Variants in INPP5A observed in about 807,000 individuals in gnomAD.
INPP5A encodes the protein 43 kDa inositol polyphosphate 5-phophatase.
In INPP5A, 14 loss-of-function variants were observed where a neutral mutation model predicts 65.2. The ratio of observed to expected loss-of-function variants is 0.21; its 90% CI spans 0.14 to 0.34. The LOEUF (loss-of-function observed/expected upper bound fraction) is 0.34. INPP5A is among the 10% of genes least tolerant of loss of function. The pLI is 1.00. For synonymous variants in INPP5A, 207 were observed against 208.3 expected (o/e 0.99, Z 0.05); for missense variants, 431 against 545.6 (o/e 0.79, Z 2.09).
chr10:132,652,601 C>T (rs1378642460), intron 4 of INPP5A, among the ~76,000 whole-genome samples: 8 of 152,234 alleles, frequency 5.3e-5, no homozygotes, highest in African/African-American at 1.9e-4. Flanking sequence ...CTGCGTGCTG[C>T]CCTGCCATGG....
chr10:132,563,725 G>A (rs1162443293), intron 1 of INPP5A, among the ~76,000 whole-genome samples: 1 of 152,198 alleles, frequency 6.6e-6, no homozygotes, highest in African/African-American at 2.4e-5. Context: ...AGAAAGGAAA[G>A]CACACCATAA....
intron 8 of INPP5A, among the ~76,000 whole-genome samples, chr10:132,719,301 G>A (rs1210914069): frequency 2.0e-5 from 3 of 149,750 alleles, no homozygotes. Flanking sequence ...ACTGGGTTCT[G>A]TCTGGGCGCC....
At chr10:132,605,677 G>T (rs1035544050) in intron 1 of INPP5A, among the ~76,000 whole-genome samples, 2 of 152,138 alleles carry the variant, frequency 1.3e-5, no homozygotes, top group Non-Finnish European at 2.9e-5. Context: ...GCCAGAAAGT[G>T]GCCCCTGGGC....
In INPP5A at chr10:132,545,469, G is replaced by A. The variant is rs1211965911; in HGVS notation, c.75+7298G>A. ...GCCTCCATCCGGGAATGGGGTCCAGGCGGAGGAGGGTGGGCATCTCTCCAC... is the reference window on the plus strand; with the variant it reads ...GCCTCCATCCGGGAATGGGGTCCAGACGGAGGAGGGTGGGCATCTCTCCAC... On this transcript the variant is annotated intron_variant, in intron 1 of 15. Transcript: ENST00000368594. The surrounding 1 kb of genome is among the most constrained non-coding windows in gnomAD (Gnocchi z 4.6). 1.3e-5 allele frequency among the ~76,000 whole-genome samples: 2 copies of A among 152,204 alleles called. No individual in the cohort carries two copies.
intron 11 of INPP5A, among the ~76,000 whole-genome samples, chr10:132,751,207 G>A (rs1179389576): frequency 1.3e-5 from 2 of 152,196 alleles, no homozygotes; most frequent in Non-Finnish European, 2.9e-5. Context: ...CGAGGCTCCC[G>A]TGACGCCCAC....
At position 132,550,561 on chromosome 10, in the gene INPP5A, AG is replaced by A. The variant is rs1337022772; in HGVS notation, c.75+12393del. On this transcript the variant is annotated intron_variant, in intron 1 of 15. Transcript: ENST00000368594. The surrounding 1 kb of genome is among the most constrained non-coding windows in gnomAD (Gnocchi z 4.2). ...CAGCTGTGTCCCTTGACGTGCTGAG[AG>A]GGCCTGGCTGTGAGCCGCATGGTAC... Among the ~76,000 whole-genome samples, 1 of 152,214 alleles carries A rather than the reference AG, an allele frequency of 6.6e-6. No homozygotes were observed. The highest frequency in any genetic ancestry group is 2.4e-5 in the African/African-American group (1 of 41,436).
intron 12 of INPP5A, among the ~76,000 whole-genome samples, chr10:132,770,102 A>G (rs1327144442): frequency 6.6e-6 from 1 of 152,204 alleles, no homozygotes; most frequent in Non-Finnish European, 1.5e-5. Context: ...CTCTGGAACC[A>G]GAGTCCCACC....
chr10:132,778,233 C>T (rs1050177396), intron 13 of INPP5A, among the ~76,000 whole-genome samples: 17 of 146,098 alleles, frequency 1.2e-4, no homozygotes, highest in Admixed American at 2.1e-4. Flanking sequence ...AATAAATAGG[C>T]GACATTTTCA....
At position 132,703,505 on chromosome 10, in the gene INPP5A, CCACA is replaced by C. The variant is rs111386654; in HGVS notation, c.475-4792_475-4789del. 7.8e-4 allele frequency among the ~76,000 whole-genome samples: 109 copies of C among 139,672 alleles called. 1 individual carries two copies. The highest frequency in any genetic ancestry group is 1.2e-3 in the South Asian group (5 of 4,252). 91.6% of individuals were successfully genotyped at this position (139,672 alleles called of 152,430 possible). On this transcript the variant is annotated intron_variant, in intron 6 of 15. Transcript: ENST00000368594. Reference sequence around the variant, plus strand: ...TTCACCCCCCACACAGTGTCTTCACCCACACACACACACACACACTCACATTTAC... The same window carrying C: ...TTCACCCCCCACACAGTGTCTTCACCCACACACACACACACTCACATTTAC...
At chr10:132,702,207 T>A (rs1845448904) in intron 6 of INPP5A, among the ~76,000 whole-genome samples, 1 of 152,262 alleles carries the variant, frequency 6.6e-6, no homozygotes, top group Non-Finnish European at 1.5e-5. Flanking sequence ...GTTATGATAA[T>A]ATACTGTTAA....
intron 5 of INPP5A, among the ~76,000 whole-genome samples, chr10:132,696,302 C>A (rs1388655346): frequency 1.3e-5 from 2 of 152,180 alleles, no homozygotes; most frequent in Non-Finnish European, 2.9e-5. Flanking sequence ...CAAGGTGTGT[C>A]ATGCCATTGA....
At chr10:132,746,081 C>T (rs959950836) in intron 9 of INPP5A, among the ~76,000 whole-genome samples, 4 of 152,116 alleles carry the variant, frequency 2.6e-5, no homozygotes, top group Non-Finnish European at 5.9e-5. Context: ...ATGGCTTCTT[C>T]GGAGCCCTGA....
chr10:132,654,302 C>G (rs925515185), intron 4 of INPP5A, among the ~76,000 whole-genome samples: 2 of 152,246 alleles, frequency 1.3e-5, no homozygotes, highest in Non-Finnish European at 2.9e-5. Flanking sequence ...CTGAGTGAGG[C>G]TTTAGGCCAG....
chr10:132,599,739 C>T (rs991313003), intron 1 of INPP5A, among the ~76,000 whole-genome samples: 11 of 152,246 alleles, frequency 7.2e-5, no homozygotes, highest in Admixed American at 3.9e-4. Flanking sequence ...GCCTGGACAT[C>T]GAGGCATTTT....
chr10:132,554,720 G>C (rs1183759552), intron 1 of INPP5A, among the ~76,000 whole-genome samples: 3 of 151,100 alleles, frequency 2.0e-5, no homozygotes, highest in Non-Finnish European at 4.4e-5. Flanking sequence ...ATCAATGTGG[G>C]TGGCGTGGTA....
rs374536093 is a variant in INPP5A, at chr10:132,772,767, G to A, written c.978-4904G>A. ...TGGGACGGACACTCAGCACTGACAC[G>A]GAGGCCACGGCAGCCGCCCCACGAA... On this transcript the variant is annotated intron_variant, in intron 12 of 15. Transcript: ENST00000368594. 4.7e-3 allele frequency among the ~76,000 whole-genome samples: 2 copies of A among 424 alleles called. 1 individual carries two copies. Among genetic ancestry groups the A allele is most frequent in the Non-Finnish European group, 9.9e-3 (2 of 202 alleles). The allele number at this position is 424 out of a possible 152,430, so 0.3% of individuals were successfully genotyped here.
intron 9 of INPP5A, among the ~76,000 whole-genome samples, chr10:132,736,410 C>T (rs576294734): frequency 6.6e-6 from 1 of 152,370 alleles, no homozygotes; most frequent in East Asian, 1.9e-4. Flanking sequence ...CAACCAGTTA[C>T]CAATCACTGA....
In INPP5A at chr10:132,727,158, G is replaced by A. The variant is rs1420375398; in HGVS notation, c.732+253G>A. 1 of 351,874 alleles carries A rather than the reference G, an allele frequency of 2.8e-6. No individual in the cohort carries two copies. Among genetic ancestry groups the A allele is most frequent in the Non-Finnish European group, 5.2e-6 (1 of 192,996 alleles). The allele number at this position is 351,874 out of a possible 1,614,324, so 21.8% of individuals were successfully genotyped here. A position where few individuals can be genotyped will look rare whatever the true frequency, so the allele number is the denominator to read the frequency against. On this transcript the variant is annotated intron_variant, in intron 9 of 15. Transcript: ENST00000368594. This position sits in a 1 kb window ranked among gnomAD's most constrained non-coding sequence, Gnocchi z 6.5. Reference sequence around the variant, plus strand: ...ACAGTGCTGTGGGGCTTTGCCCTGTGGCTTCCGCCGTCGGCACACAAGGAG... The same window carrying A: ...ACAGTGCTGTGGGGCTTTGCCCTGTAGCTTCCGCCGTCGGCACACAAGGAG...
Position 132,663,723 on chromosome 10 carries a change from C to A in INPP5A, c.306+13218C>A, listed in dbSNP as rs1191431045. ...CCGTCTGCATGACTTTGGGTCATTG[C>A]GCTTTCCTTGCCTTTTGGGGAGGGT... On this transcript the variant is annotated intron_variant, in intron 4 of 15. Coordinates refer to ENST00000368594, the MANE Select transcript of INPP5A (RefSeq NM_005539.5). The surrounding 1 kb of genome is among the most constrained non-coding windows in gnomAD (Gnocchi z 4.5). 2.0e-5 allele frequency among the ~76,000 whole-genome samples: 3 copies of A among 152,188 alleles called. No individual in the cohort carries two copies. The highest frequency in any genetic ancestry group is 4.4e-5 in the Non-Finnish European group (3 of 68,044).
Sources: gnomAD v4.1 joint callset for allele counts (sites outside exome capture counted in the v4.1 genomes callset) on GRCh38, gnomAD v4.1.1 for gene constraint, Gnocchi (gnomAD v3.1) non-coding constraint, MANE v1.5 for transcripts, NCBI Gene and HGNC (gene_info 2026-07-23, HGNC 2026-07-21) for gene names.